PRRX1: variants seen among roughly 807,000 people sequenced by gnomAD.
PRRX1 encodes the protein paired mesoderm homeobox protein 1.
In PRRX1, 8 loss-of-function variants were observed where a neutral mutation model predicts 24.0. The observed-to-expected ratio is 0.33, with a 90% CI of 0.20 to 0.60. The LOEUF is 0.60. Ranked by LOEUF, PRRX1 falls within the 20% of genes least tolerant of loss-of-function variation. The pLI is 0.82. For synonymous variants in PRRX1, 160 were observed against 131.7 expected, an observed-to-expected ratio of 1.22 and a Z score of -1.47; for missense variants, 281 against 322.4, an observed-to-expected ratio of 0.87 and a Z score of 0.98.
At chr1:170,711,432 T>A (rs1264044510) in intron 1 of PRRX1, among the ~76,000 whole-genome samples, 1 of 152,232 alleles carries the variant, frequency 6.6e-6, no homozygotes, top group Non-Finnish European at 1.5e-5. Flanking sequence ...TCTTTCTATC[T>A]AAGCAGAGAA....
At chr1:170,680,403 G>A (rs1653470138) in intron 1 of PRRX1, among the ~76,000 whole-genome samples, 3 of 152,180 alleles carry the variant, frequency 2.0e-5, no homozygotes, top group African/African-American at 4.8e-5. Flanking sequence ...CTGGACCCAC[G>A]TCTGTAGTAG....
intron 1 of PRRX1, among the ~76,000 whole-genome samples, chr1:170,689,773 C>T (rs1042947344): frequency 2.7e-5 from 4 of 149,632 alleles, no homozygotes; most frequent in African/African-American, 5.0e-5. Flanking sequence ...GTCATAAAGA[C>T]CAAGCATCTG....
At chr1:170,701,527 G>T (rs1654359020) in intron 1 of PRRX1, among the ~76,000 whole-genome samples, 1 of 152,108 alleles carries the variant, frequency 6.6e-6, no homozygotes, top group African/African-American at 2.4e-5. Flanking sequence ...CAGGCCAAAT[G>T]TTTTGCTTGT....
chr1:170,703,301 G>A (rs1261595481), intron 1 of PRRX1, among the ~76,000 whole-genome samples: 2 of 149,804 alleles, frequency 1.3e-5, no homozygotes, highest in Non-Finnish European at 3.0e-5. Context: ...ACCAGATGTC[G>A]TCCATTGTGT....
At chr1:170,717,631 G>A (rs1346880341) in intron 1 of PRRX1, among the ~76,000 whole-genome samples, 1 of 150,654 alleles carries the variant, frequency 6.6e-6, no homozygotes, top group East Asian at 1.9e-4. Flanking sequence ...GCAGACTTCT[G>A]TTTTGGGGGC....
intron 1 of PRRX1, among the ~76,000 whole-genome samples, chr1:170,676,332 T>TCTC (rs5778675): frequency 6.7e-6 from 1 of 149,864 alleles, no homozygotes; most frequent in Non-Finnish European, 1.5e-5. Flanking sequence ...CTCCCCTCTC[T>TCTC]TTTTTTTTTC....
intron 1 of PRRX1, among the ~76,000 whole-genome samples, chr1:170,693,169 A>G (rs1654049168): frequency 1.3e-5 from 2 of 152,152 alleles, no homozygotes; most frequent in East Asian, 1.9e-4. Context: ...GCTAAATACC[A>G]TGGTTTTGTT....
intron 1 of PRRX1, among the ~76,000 whole-genome samples, chr1:170,685,379 T>G (rs1034859837): frequency 6.6e-6 from 1 of 152,128 alleles, no homozygotes; most frequent in Non-Finnish European, 1.5e-5. Flanking sequence ...AGCAGCTGAC[T>G]CAGGAACAAC....
At chr1:170,730,377 C>A (rs775106141) in intron 3 of PRRX1, 1 of 1,563,740 alleles carries the variant, frequency 6.4e-7, no homozygotes, top group Non-Finnish European at 8.8e-7. Context: ...AAGAGGGTGG[C>A]TGCTTGGGGT....
At chr1:170,681,585 TGAA>T (rs1051467537) in intron 1 of PRRX1, among the ~76,000 whole-genome samples, 12 of 151,308 alleles carry the variant, frequency 7.9e-5, no homozygotes, top group East Asian at 7.7e-4. Flanking sequence ...TGAACATAAA[TGAA>T]GAAGTGAGTT....
chr1:170,696,156 C>A (rs1284754523), intron 1 of PRRX1, among the ~76,000 whole-genome samples: 1 of 152,060 alleles, frequency 6.6e-6, no homozygotes, highest in Non-Finnish European at 1.5e-5. Flanking sequence ...GAGAGTGACA[C>A]ATGAAAAGTA....
At chr1:170,725,248 AG>A (rs1377912151) in intron 2 of PRRX1, among the ~76,000 whole-genome samples, 3 of 152,142 alleles carry the variant, frequency 2.0e-5, no homozygotes, top group Non-Finnish European at 4.4e-5. Context: ...TGACTTATGT[AG>A]CAAACCTGCA....
chr1:170,694,306 C>T (rs1045089026), intron 1 of PRRX1, among the ~76,000 whole-genome samples: 17 of 152,082 alleles, frequency 1.1e-4, no homozygotes, highest in African/African-American at 3.9e-4. Flanking sequence ...CAAACCAAAC[C>T]TATTCTGGGA....
At chr1:170,734,001 C>T (rs188344966) in intron 3 of PRRX1, among the ~76,000 whole-genome samples, 66 of 152,250 alleles carry the variant, frequency 4.3e-4, no homozygotes, top group African/African-American at 1.6e-3. Context: ...TAACTGGGAA[C>T]TCTTCTGCTT....
chr1:170,737,310 C>T lies in PRRX1; in HGVS notation c.*1124C>T, dbSNP rs879685502. 5.3e-6 allele frequency: 1 copy of T among 188,804 alleles called. No individual in the cohort carries two copies. Among genetic ancestry groups the T allele is most frequent in the Non-Finnish European group, 1.1e-5 (1 of 89,584 alleles). The allele number at this position is 188,804 out of a possible 1,614,324, so 11.7% of individuals were successfully genotyped here. On this transcript the variant is annotated 3_prime_UTR_variant, in exon 4 of 4. Transcript: ENST00000239461. ...ATCTTGCTGCTTTTCTTTTTCTACA[C>T]GAAGTTTTCATTAAAGCCACAGAAT...
chr1:170,706,882 A>G (rs1336238852), intron 1 of PRRX1, among the ~76,000 whole-genome samples: 1 of 152,030 alleles, frequency 6.6e-6, no homozygotes, highest in East Asian at 1.9e-4. Context: ...TAATCTCAAC[A>G]CTTTGGGAGG....
chr1:170,710,256 G>A (rs1218200771), intron 1 of PRRX1, among the ~76,000 whole-genome samples: 1 of 152,110 alleles, frequency 6.6e-6, no homozygotes, highest in Non-Finnish European at 1.5e-5. Context: ...TGCTAAATGA[G>A]CAATTATTGA....
intron 1 of PRRX1, among the ~76,000 whole-genome samples, chr1:170,699,920 G>A (rs533806863): frequency 6.6e-6 from 1 of 152,198 alleles, no homozygotes; most frequent in Non-Finnish European, 1.5e-5. Flanking sequence ...ATTTTTAGTA[G>A]AGATGGGGCG....
chr1:170,678,989 C>G (rs903658797), intron 1 of PRRX1, among the ~76,000 whole-genome samples: 1 of 152,102 alleles, frequency 6.6e-6, no homozygotes, highest in Non-Finnish European at 1.5e-5. Context: ...TTTTTATATC[C>G]CACAAAGTCT....
Sources: allele counts gnomAD v4.1 joint callset (sites outside exome capture counted in the v4.1 genomes callset), GRCh38; gene constraint gnomAD v4.1.1; transcripts MANE v1.5; gene names NCBI Gene and HGNC (gene_info 2026-07-23, HGNC 2026-07-21).